The following ZNF441 variants were observed in gnomAD, a reference collection of about 807,000 sequenced individuals.
ZNF441 encodes the protein zinc finger protein 441.
In ZNF441, 25 loss-of-function variants were observed where a neutral mutation model predicts 64.5. The observed-to-expected ratio is 0.39, with a 90% CI of 0.28 to 0.54. The LOEUF (loss-of-function observed/expected upper bound fraction) is 0.54, where lower values mean the gene tolerates loss of function less well. Ranked by LOEUF, ZNF441 falls within the 20% of genes least tolerant of loss-of-function variation. The pLI, the probability that ZNF441 is intolerant of heterozygous loss-of-function variation, is 0.70. For missense variants in ZNF441, 715 were observed against 843.3 expected, an observed-to-expected ratio of 0.85 and a Z score of 1.88; for synonymous variants, 262 against 268.0, an observed-to-expected ratio of 0.98 and a Z score of 0.22.
In ZNF441 at chr19:11,780,915, A is replaced by G; in HGVS notation, c.1091A>G (p.His364Arg). ...HMITHTGDGPHKCKVCGKAFD... is the reference protein window; with the variant it reads ...HMITHTGDGPRKCKVCGKAFD... ...ATAACGCACACTGGAGATGGACCTC[A>G]TAAATGCAAGGTATGTGGGAAAGCC... Residue 364 changes from histidine (H) to arginine (R), a missense_variant, in exon 4 of 4, where the codon CAT becomes CGT. Transcript: ENST00000357901. The G allele has an allele frequency of 6.2e-7, 1 of 1,613,622 alleles. No homozygotes were observed. Among genetic ancestry groups the G allele is most frequent in the Non-Finnish European group, 8.5e-7 (1 of 1,179,506 alleles).
chr19:11,778,877 G>C (rs1006043841), intron 3 of ZNF441, among the ~76,000 whole-genome samples: 1 of 152,156 alleles, frequency 6.6e-6, no homozygotes. Flanking sequence ...TTCAGTGCCT[G>C]CAAAATAGTT....
chr19:11,781,038 A>C lies in ZNF441; in HGVS notation c.1214A>C (p.Tyr405Ser), dbSNP rs1339845366. 1 of 1,614,004 alleles carries C rather than the reference A, an allele frequency of 6.2e-7. No individual in the cohort carries two copies. The highest frequency in any genetic ancestry group is 1.3e-5 in the African/African-American group (1 of 74,986). Reference protein sequence around the residue: ...ECGKAFSDFYYFRNHETTHTG... With the variant: ...ECGKAFSDFYSFRNHETTHTG... ...GGGAAAGCCTTTAGTGATTTCTATT[A>C]CTTTCGAAATCATGAAACTACTCAC... Residue 405 changes from tyrosine to serine, a missense_variant, in exon 4 of 4, where the codon TAC (tyrosine) becomes TCC (serine). Coordinates refer to ENST00000357901, the MANE Select transcript of ZNF441 (RefSeq NM_152355.3).
Position 11,781,065 on chromosome 19 carries a change from C to T in ZNF441, c.1241C>T (p.Thr414Ile), listed in dbSNP as rs1376152470. 2.5e-6 allele frequency: 4 copies of T among 1,613,986 alleles called. No individual in the cohort carries two copies. Among genetic ancestry groups the T allele is most frequent in the Non-Finnish European group, 3.4e-6 (4 of 1,180,020 alleles). Residue 414 changes from threonine (T) to isoleucine (I), a missense_variant, in exon 4 of 4, where the codon ACT becomes ATT. Transcript: ENST00000357901. ...TTTCGAAATCATGAAACTACTCACA[C>T]TGGAGAGAAGCCATATAAATGTAAA... is the stretch of plus-strand genomic sequence containing the variant. The part of the protein sequence containing the change: ...YYFRNHETTH[T>I]GEKPYKCKQC...
chr19:11,779,809 GC>G (rs1269416213), intron 3 of ZNF441, among the ~76,000 whole-genome samples: 1 of 151,488 alleles, frequency 6.6e-6, no homozygotes, highest in African/African-American at 2.4e-5. Flanking sequence ...TATTTGAGAG[GC>G]TGGGGTGGGA....
At chr19:11,768,880 G>C (rs1975291568) in intron 1 of ZNF441, among the ~76,000 whole-genome samples, 1 of 152,232 alleles carries the variant, frequency 6.6e-6, no homozygotes, top group African/African-American at 2.4e-5. Flanking sequence ...ACTAATGAAG[G>C]GAGAAAACTA....
At chr19:11,771,289 C>A (rs1050244194) in intron 1 of ZNF441, among the ~76,000 whole-genome samples, 1 of 152,048 alleles carries the variant, frequency 6.6e-6, no homozygotes, top group Non-Finnish European at 1.5e-5. Context: ...ATGGAATGGA[C>A]CAATTCCTTG....
Position 11,781,484 on chromosome 19 carries a change from A to G in ZNF441, c.1660A>G (p.Thr554Ala). Residue 554 changes from threonine to alanine, a missense_variant, in exon 4 of 4, where the codon ACT (threonine) becomes GCT (alanine). Coordinates refer to ENST00000357901, the MANE Select transcript of ZNF441 (RefSeq NM_152355.3). ...SYIQLHERTH[T>A]GEKPYGCQQC... is the part of the protein sequence containing the mutation. ...CATTCAACTACATGAAAGGACTCAC[A>G]CTGGAGAGAAACCCTATGGTTGTCA... 6.2e-7 allele frequency: 1 copy of G among 1,614,158 alleles called. No homozygotes were observed. Among genetic ancestry groups the G allele is most frequent in the Non-Finnish European group, 8.5e-7 (1 of 1,180,008 alleles).
At chr19:11,775,077 A>C (rs1367651570) in intron 1 of ZNF441, among the ~76,000 whole-genome samples, 2 of 152,222 alleles carry the variant, frequency 1.3e-5, no homozygotes, top group African/African-American at 4.8e-5. Flanking sequence ...GCTAAAAGTA[A>C]AAAAGACATG....
At chr19:11,777,960 T>C (rs2145082709) in intron 2 of ZNF441, 1 of 453,906 alleles carries the variant, frequency 2.2e-6, no homozygotes, top group East Asian at 4.1e-5. Flanking sequence ...ATGTATTATA[T>C]GTCATATGTA....
At position 11,780,249 on chromosome 19, in the gene ZNF441, C is replaced by T; in HGVS notation, c.425C>T (p.Thr142Ile). 1 of 1,614,116 alleles carries T rather than the reference C, an allele frequency of 6.2e-7. No individual in the cohort carries two copies. Among genetic ancestry groups the T allele is most frequent in the Non-Finnish European group, 8.5e-7 (1 of 1,179,988 alleles). ...CAAGAATATGGAGAGAAGCCATATA[C>T]ACATACACAATGTGGGACAGCTTTC... ...EYQEYGEKPY[T>I]HTQCGTAFSY... is the part of the protein sequence containing the mutation. The change falls in exon 4 of 4, where the codon ACA becomes ATA. Residue 142 changes from threonine to isoleucine, a missense_variant. Thr to Ile is a moderately conservative substitution (Grantham distance 89). This residue lies in a region of ZNF441 where 399 missense variants were observed against 413.9 expected (regional missense o/e 0.96). Coordinates refer to ENST00000357901, the MANE Select transcript of ZNF441 (RefSeq NM_152355.3).
At position 11,781,875 on chromosome 19, in the gene ZNF441, G is replaced by T; in HGVS notation, c.2051G>T (p.Ser684Ile). 1.3e-6 allele frequency: 2 copies of T among 1,598,028 alleles called. No homozygotes were observed. Among genetic ancestry groups the T allele is most frequent in the South Asian group, 2.2e-5 (2 of 90,000 alleles). The change falls in exon 4 of 4, where the codon AGT (serine) becomes ATT (isoleucine). Residue 684 changes from serine (S) to isoleucine (I), a missense_variant. Transcript: ENST00000357901. ...KECGEAFHCISSFHKHEMTH is the reference protein window; with the variant it reads ...KECGEAFHCIISFHKHEMTH ...TGTGGGGAAGCATTTCATTGTATCA[G>T]TTCCTTTCATAAACATGAAATGACT...
intron 1 of ZNF441, among the ~76,000 whole-genome samples, chr19:11,774,042 T>A (rs558486641): frequency 6.6e-6 from 1 of 152,312 alleles, no homozygotes; most frequent in Non-Finnish European, 1.5e-5. Context: ...AGCATGTATA[T>A]GATTCCATTT....
At chr19:11,777,817 A>G in intron 2 of ZNF441, 80 bp downstream of exon 2, 2 of 1,532,794 alleles carry the variant, frequency 1.3e-6, no homozygotes, top group Non-Finnish European at 1.8e-6. Context: ...ATTATTTGAA[A>G]TATGGAAGGG....
chr19:11,767,767 T>C lies in ZNF441; in HGVS notation c.3+571T>C, dbSNP rs73922688. 7.2e-3 allele frequency among the ~76,000 whole-genome samples: 1,099 copies of C among 152,326 alleles called. 7 individuals are homozygous for C. Among genetic ancestry groups the C allele is most frequent in the African/African-American group, 0.025 (1,057 of 41,574 alleles). ...AGCCTTTCCGCTGGAATTCAGGATC[T>C]GAGAAAGAACTCAGGCGACTCTTGA... On this transcript the variant is annotated intron_variant, in intron 1 of 3. Coordinates refer to ENST00000357901, the MANE Select transcript of ZNF441 (RefSeq NM_152355.3). The surrounding 1 kb of genome is among the most constrained non-coding windows in gnomAD (Gnocchi z 5.1).
chr19:11,770,292 A>G (rs576823290), intron 1 of ZNF441, among the ~76,000 whole-genome samples: 35 of 152,182 alleles, frequency 2.3e-4, no homozygotes, highest in Non-Finnish European at 4.3e-4. Context: ...CTATCACAAG[A>G]ACAGCGTGGG....
intron 3 of ZNF441, among the ~76,000 whole-genome samples, chr19:11,778,898 C>T (rs1975374812): frequency 1.3e-5 from 2 of 152,148 alleles, no homozygotes; most frequent in Admixed American, 1.3e-4. Context: ...CCCTTGGAAA[C>T]AGTATTAAGA....
At chr19:11,775,283 TTTCCAGTACATGCATTC>T (rs1172068703) in intron 1 of ZNF441, among the ~76,000 whole-genome samples, 1 of 152,182 alleles carries the variant, frequency 6.6e-6, no homozygotes, top group African/African-American at 2.4e-5. Flanking sequence ...AGTGCATGCA[TTTCCAGTACATGCATTC>T]TCAATTCCCC....
chr19:11,772,192 C>CTT (rs71166622), intron 1 of ZNF441, among the ~76,000 whole-genome samples: 73,597 of 151,926 alleles, frequency 0.48, 19,154 homozygotes, highest in African/African-American at 0.7. Flanking sequence ...GACTCACACT[C>CTT]TACCCTGCCC....
Position 11,767,072 on chromosome 19 carries a change from A to T in ZNF441, c.-122A>T. 6.8e-7 allele frequency: 1 copy of T among 1,464,914 alleles called. No individual in the cohort carries two copies. The highest frequency in any genetic ancestry group is 2.0e-5 in the Admixed American group (1 of 50,330). The allele number at this position is 1,464,914 out of a possible 1,614,324, so 90.7% of individuals were successfully genotyped here. On this transcript the variant is annotated 5_prime_UTR_variant, in exon 1 of 4. Transcript: ENST00000357901. This position sits in a 1 kb window ranked among gnomAD's most constrained non-coding sequence, Gnocchi z 5.1. The stretch of plus-strand genomic sequence containing the variant: ...CGCCGAGTCTTCTCCACGCCCCTGC[A>T]CTGGGCTCCGGGTTCTGTCACTGAG...
Sources: allele counts gnomAD v4.1 joint callset (sites outside exome capture counted in the v4.1 genomes callset), GRCh38; gene constraint gnomAD v4.1.1; regional missense constraint gnomAD v4.1.1; non-coding constraint Gnocchi (gnomAD v3.1); transcripts MANE v1.5; gene names NCBI Gene and HGNC (gene_info 2026-07-23, HGNC 2026-07-21).